FOCAD: variants seen among roughly 807,000 people sequenced by gnomAD.
The protein encoded by FOCAD is KIAA1797.
FOCAD carries 198 observed loss-of-function variants against 225.6 expected under a neutral mutation model. The ratio of observed to expected loss-of-function variants is 0.88; its 90% CI spans 0.78 to 0.99. The LOEUF (loss-of-function observed/expected upper bound fraction) is 0.99. FOCAD is among the 50% of genes least tolerant of loss of function. The probability of loss-of-function intolerance (pLI) is 0.00; values close to 1 mark genes in which losing one functional copy is unlikely to be tolerated. For synonymous variants in FOCAD, 897 were observed against 755.0 expected (o/e 1.19, Z -3.08); for missense variants, 2,713 against 2,123.6 (o/e 1.28, Z -5.46).
chr9:20,661,855 C>T (rs1821737553), intron 2 of FOCAD, among the ~76,000 whole-genome samples: 1 of 152,022 alleles, frequency 6.6e-6, no homozygotes, highest in African/African-American at 2.4e-5. Context: ...AAAAGCACCA[C>T]TGTTATTAGT....
intron 4 of FOCAD, among the ~76,000 whole-genome samples, chr9:20,733,602 C>T (rs34774191): frequency 0.26 from 40,104 of 151,888 alleles, 5,757 homozygotes; most frequent in East Asian, 0.39. Context: ...TGAGAACATG[C>T]GGTGTTTGGT....
At chr9:20,932,967 T>C in intron 27 of FOCAD, 47 bp from the exon 28 acceptor site, 6 of 1,333,862 alleles carry the variant, frequency 4.5e-6, no homozygotes, top group Non-Finnish European at 6.5e-6. Context: ...TTTTGGATAG[T>C]TGACTAATTT....
At chr9:20,784,334 A>G (rs1819695376) in intron 10 of FOCAD, among the ~76,000 whole-genome samples, 1 of 152,314 alleles carries the variant, frequency 6.6e-6, no homozygotes, top group East Asian at 1.9e-4. Flanking sequence ...CTCTCTATTG[A>G]CAAGGTCTAA....
At chr9:20,845,839 C>T (rs1827051551) in intron 15 of FOCAD, among the ~76,000 whole-genome samples, 1 of 151,922 alleles carries the variant, frequency 6.6e-6, no homozygotes, top group African/African-American at 2.4e-5. Flanking sequence ...CTGATTCTTT[C>T]ATTTATGTAG....
chr9:20,799,562 C>T (rs201685635), intron 11 of FOCAD, among the ~76,000 whole-genome samples: 4 of 152,030 alleles, frequency 2.6e-5, no homozygotes, highest in Admixed American at 1.3e-4. Flanking sequence ...TTAGGATAGT[C>T]AGCTCTTCTT....
At chr9:20,939,389 C>T (rs1322424143) in intron 28 of FOCAD, among the ~76,000 whole-genome samples, 2 of 152,050 alleles carry the variant, frequency 1.3e-5, no homozygotes, top group African/African-American at 4.8e-5. Flanking sequence ...CCTCTTACCA[C>T]CCAAAGATGT....
Position 20,866,917 on chromosome 9 carries a change from T to TTTTTTTTTTTTTAAAAAA in FOCAD, c.2107-12_2107-11insTTTTTTTTTTTTAAAAAA. ...TTTTTTTTTTTTTTTTTTTTTTTTTTACCCTATCTAGGACCCAATTGTAGC... is the reference window on the plus strand; with the variant it reads ...TTTTTTTTTTTTTTTTTTTTTTTTTTTTTTTTTTTTTTAAAAAAACCCTATCTAGGACCCAATTGTAGC... On this transcript the variant is annotated splice_polypyrimidine_tract_variant and intron_variant, in intron 17 of 43. Coordinates refer to ENST00000338382, the MANE Select transcript of FOCAD (RefSeq NM_001375567.1). The TTTTTTTTTTTTTAAAAAA allele has an allele frequency of 1.2e-5, 9 of 764,972 alleles. No individual in the cohort carries two copies. Among genetic ancestry groups the TTTTTTTTTTTTTAAAAAA allele is most frequent in the Non-Finnish European group, 1.6e-5 (8 of 498,468 alleles). The allele number at this position is 764,972 out of a possible 1,614,324, so 47.4% of individuals were successfully genotyped here.
chr9:20,904,315 C>T (rs1832779910), intron 21 of FOCAD, among the ~76,000 whole-genome samples: 1 of 151,830 alleles, frequency 6.6e-6, no homozygotes, highest in African/African-American at 2.4e-5. Context: ...CTATGTTTAG[C>T]TTTCTGAGGA....
chr9:20,921,270 C>A (rs553124638), intron 24 of FOCAD, among the ~76,000 whole-genome samples: 259 of 152,258 alleles, frequency 1.7e-3, no homozygotes, highest in African/African-American at 6.0e-3. Flanking sequence ...GTAGCTCAGC[C>A]TTCCTTGTGC....
At chr9:20,758,263 T>G in intron 6 of FOCAD, 72 bp downstream of exon 6, 1 of 1,067,294 alleles carries the variant, frequency 9.4e-7, no homozygotes, top group Non-Finnish European at 1.3e-6. Flanking sequence ...GAGCTAGGGT[T>G]TTTTTTTGTT....
chr9:20,656,316 A>G (rs1340642117), upstream of FOCAD, among the ~76,000 whole-genome samples: 3 of 151,764 alleles, frequency 2.0e-5, no homozygotes, highest in Non-Finnish European at 4.4e-5. Flanking sequence ...AGCTGAGTTC[A>G]ATTCCTGGGT....
chr9:20,916,985 T>C, intron 24 of FOCAD, 48 bp downstream of exon 24: 1 of 1,457,098 alleles, frequency 6.9e-7, no homozygotes, highest in Non-Finnish European at 9.4e-7. Flanking sequence ...AAATACCTTT[T>C]CCTGGCAGGT....
intron 18 of FOCAD, among the ~76,000 whole-genome samples, chr9:20,869,089 C>T (rs988212570): frequency 6.6e-6 from 1 of 152,140 alleles, no homozygotes; most frequent in Admixed American, 6.6e-5. Flanking sequence ...TGATGTGAAA[C>T]TGCAGCTCAT....
intron 5 of FOCAD, among the ~76,000 whole-genome samples, chr9:20,755,219 A>G (rs1292137274): frequency 1.3e-5 from 2 of 152,196 alleles, no homozygotes; most frequent in Admixed American, 6.6e-5. Context: ...TGGAAAACTT[A>G]ATTATCCAGA....
chr9:20,927,123 A>G (rs1835031242), intron 26 of FOCAD, among the ~76,000 whole-genome samples: 1 of 152,052 alleles, frequency 6.6e-6, no homozygotes, highest in Admixed American at 6.6e-5. Context: ...GAGCTCTCTC[A>G]GTTATTCTAA....
intron 15 of FOCAD, among the ~76,000 whole-genome samples, chr9:20,824,084 A>G (rs1253898405): frequency 6.6e-6 from 1 of 152,118 alleles, no homozygotes; most frequent in Non-Finnish European, 1.5e-5. Context: ...ATGTGTGGTA[A>G]GGACAATGCT....
intron 39 of FOCAD, among the ~76,000 whole-genome samples, chr9:20,985,208 T>G (rs1181578383): frequency 6.6e-6 from 1 of 152,232 alleles, no homozygotes; most frequent in Admixed American, 6.5e-5. Flanking sequence ...GTTTTACACT[T>G]TGGGTCTTTT....
At chr9:20,906,331 C>CT (rs1022875022) in intron 21 of FOCAD, among the ~76,000 whole-genome samples, 36 of 148,416 alleles carry the variant, frequency 2.4e-4, no homozygotes, top group South Asian at 2.1e-4. Flanking sequence ...CACTCTCTCT[C>CT]TTTTTTTTTT....
At position 20,926,293 on chromosome 9, in the gene FOCAD, A is replaced by ATC. The variant is rs1834935598; in HGVS notation, c.2962-6_2962-5dup. 2 of 1,474,756 alleles carry ATC rather than the reference A, an allele frequency of 1.4e-6. No individual in the cohort carries two copies. Among genetic ancestry groups the ATC allele is most frequent in the Admixed American group, 3.4e-5 (2 of 59,268 alleles). The allele number at this position is 1,474,756 out of a possible 1,614,324, so 91.4% of individuals were successfully genotyped here. A position where few individuals can be genotyped will look rare whatever the true frequency, so the allele number is the denominator to read the frequency against. Reference sequence around the variant, plus strand: ...TGTAATCATTTCATGTTTTTAATTCATCTGCAGGTTCAACCTAATTTCCTT... The same window carrying ATC: ...TGTAATCATTTCATGTTTTTAATTCATCTCTGCAGGTTCAACCTAATTTCCTT... On this transcript the variant is annotated splice_region_variant and splice_polypyrimidine_tract_variant and intron_variant, in intron 25 of 43. Coordinates refer to ENST00000338382, the MANE Select transcript of FOCAD (RefSeq NM_001375567.1).
Sources: allele counts gnomAD v4.1 joint callset (sites outside exome capture counted in the v4.1 genomes callset), GRCh38; gene constraint gnomAD v4.1.1; transcripts MANE v1.5; gene names NCBI Gene and HGNC (gene_info 2026-07-23, HGNC 2026-07-21).